The following MZT2A variants were observed in gnomAD, a reference collection of about 807,000 sequenced individuals.
MZT2A encodes the protein mitotic-spindle organizing protein 2A.
In MZT2A, 8 loss-of-function variants were observed where a neutral mutation model predicts 12.4. That is an observed-to-expected ratio of 0.64 (90% CI 0.38 to 1.16). MZT2A has a LOEUF of 1.16. Among genes scored for constraint, MZT2A ranks in the 50% most tolerant of loss-of-function variants. The pLI is 0.01. For missense variants in MZT2A, 181 were observed against 223.6 expected (o/e 0.81, Z 1.22); for synonymous variants, 88 against 107.5 (o/e 0.82, Z 1.12).
intron 2 of MZT2A, chr2:131,490,931 C>A: frequency 6.5e-7 from 1 of 1,549,522 alleles, no homozygotes. Context: ...GCAGACAGAG[C>A]GAGGGTCAGT....
chr2:131,479,561 C>T (rs1385150855), downstream of MZT2A: 28 of 1,555,812 alleles, frequency 1.8e-5, no homozygotes, highest in East Asian at 6.8e-5. Flanking sequence ...GCATCTTGGC[C>T]GGGCGCGGTG....
chr2:131,474,784 C>T (rs1334146718), intron 2 of MZT2A, among the ~76,000 whole-genome samples: 2 of 151,890 alleles, frequency 1.3e-5, no homozygotes, highest in African/African-American at 4.8e-5. Flanking sequence ...CCCTTCAGGT[C>T]AGGAGTTCAA....
chr2:131,490,844 G>T, intron 2 of MZT2A: 1 of 1,550,066 alleles, frequency 6.5e-7, no homozygotes, highest in Admixed American at 2.0e-5. Context: ...GGAGGAAAAC[G>T]AGGGCCTTGC....
intron 2 of MZT2A, among the ~76,000 whole-genome samples, chr2:131,474,502 C>G (rs767567620): frequency 6.6e-6 from 1 of 150,902 alleles, no homozygotes; most frequent in Admixed American, 6.6e-5. Flanking sequence ...CTCCGCCTCC[C>G]GGGTTCAAGT....
chr2:131,485,502 C>T (rs531625745), intron 2 of MZT2A, among the ~76,000 whole-genome samples: 29 of 152,316 alleles, frequency 1.9e-4, no homozygotes, highest in African/African-American at 3.1e-4. Context: ...GGCTGTCCCT[C>T]GTGAGGGCAC....
In MZT2A at chr2:131,472,176, C is replaced by T. The variant is rs1262916941; in HGVS notation, c.287G>A (p.Ser96Asn). 4 of 1,287,702 alleles carry T rather than the reference C, an allele frequency of 3.1e-6. No homozygotes were observed. The Admixed American group carries it at 9.3e-5, about 30-fold the overall frequency. 79.8% of individuals were successfully genotyped at this position (1,287,702 alleles called of 1,614,324 possible). A position where few individuals can be genotyped will look rare whatever the true frequency, so the allele number is the denominator to read the frequency against. Residue 96 changes from serine (S) to asparagine (N), a missense_variant and NMD_transcript_variant, in exon 3 of 5, where the codon AGT becomes AAT. By Grantham distance (46) the Ser-to-Asn change is conservative (BLOSUM62 1). Coordinates refer to the MZT2A transcript ENST00000427024. ...GCGCCGCCTTGTCCTCAAGTTGTCA[C>T]TCAAGCCTGTTTGAATATGAGCAAA...
At chr2:131,470,386 G>A in intron 3 of MZT2A, 1 of 1,247,914 alleles carries the variant, frequency 8.0e-7, no homozygotes, top group East Asian at 5.6e-5. Context: ...CTTAACAAAG[G>A]TCTGGAAGGC....
chr2:131,482,725 C>T (rs138292408), downstream of MZT2A: 14,673 of 1,613,932 alleles, frequency 9.1e-3, 987 homozygotes, highest in African/African-American at 0.17. Flanking sequence ...GGTACGTGGG[C>T]GAAGGCATGG....
At chr2:131,476,138 A>T in intron 2 of MZT2A, 1 of 1,612,872 alleles carries the variant, frequency 6.2e-7, no homozygotes, top group Non-Finnish European at 8.5e-7. Flanking sequence ...TTGGGCGCTC[A>T]GCAGCTGTGG....
At chr2:131,483,357 C>T (rs1366567212), downstream of MZT2A, among the ~76,000 whole-genome samples, 9 of 152,132 alleles carry the variant, frequency 5.9e-5, no homozygotes, top group Non-Finnish European at 8.8e-5. Context: ...GCACAGCATT[C>T]GTGACCCACA....
downstream of MZT2A, chr2:131,479,549 C>G: frequency 6.4e-7 from 1 of 1,571,466 alleles, no homozygotes; most frequent in Non-Finnish European, 8.7e-7. Flanking sequence ...ACACTTAGAC[C>G]AGCATCTTGG....
intron 3 of MZT2A, among the ~76,000 whole-genome samples, chr2:131,470,618 A>G (rs1306511281): frequency 6.6e-6 from 1 of 152,224 alleles, no homozygotes; most frequent in East Asian, 1.9e-4. Context: ...ACAGCAGGAC[A>G]GCTGGCTCTG....
chr2:131,473,432 TC>T (rs1247085036), intron 2 of MZT2A, among the ~76,000 whole-genome samples: 1 of 147,878 alleles, frequency 6.8e-6, no homozygotes, highest in Non-Finnish European at 1.5e-5. Flanking sequence ...CTGGGGGAGC[TC>T]CCTCTCTCTT....
intron 2 of MZT2A, chr2:131,476,271 G>T: frequency 6.2e-7 from 1 of 1,611,718 alleles, no homozygotes; most frequent in Non-Finnish European, 8.5e-7. Context: ...TGGACAGAGG[G>T]ACGTTGTTGC....
chr2:131,488,097 G>C (rs1679127378), intron 2 of MZT2A, among the ~76,000 whole-genome samples: 1 of 152,148 alleles, frequency 6.6e-6, no homozygotes, highest in Non-Finnish European at 1.5e-5. Flanking sequence ...ACCACACGCA[G>C]TGCAATGACC....
chr2:131,492,504 G>C (rs1008514015), upstream of MZT2A: 2 of 1,127,696 alleles, frequency 1.8e-6, no homozygotes, highest in African/African-American at 3.3e-5. Context: ...GGGAGCGCGG[G>C]GACGGGGCCG....
chr2:131,478,631 G>T, intron 2 of MZT2A: 1 of 717,720 alleles, frequency 1.4e-6, no homozygotes, highest in Non-Finnish European at 2.2e-6. Flanking sequence ...GGGCTGTGAA[G>T]AGATTCCCTC....
At chr2:131,488,816 T>C (rs1236807460) in intron 2 of MZT2A, among the ~76,000 whole-genome samples, 2 of 152,150 alleles carry the variant, frequency 1.3e-5, no homozygotes, top group Admixed American at 6.5e-5. Context: ...ACCTGGGCTA[T>C]GCTTCCAGGA....
upstream of MZT2A, chr2:131,492,969 CCTT>C (rs1034226757): frequency 6.6e-5 from 101 of 1,525,200 alleles, 1 homozygote; most frequent in Non-Finnish European, 8.2e-5. Flanking sequence ...GGCCGGCCGG[CCTT>C]CTTCGCTTTG....
Sources: gnomAD v4.1 joint callset for allele counts (sites outside exome capture counted in the v4.1 genomes callset) on GRCh38, gnomAD v4.1.1 for gene constraint, MANE v1.5 for transcripts, NCBI Gene and HGNC (gene_info 2026-07-23, HGNC 2026-07-21) for gene names.